The following GATA4 variants were observed in gnomAD, a reference collection of about 807,000 sequenced individuals.
GATA4 encodes the protein transcription factor GATA-4.
A neutral mutation model predicts 37.9 loss-of-function variants in GATA4; 7 were observed. That is an observed-to-expected ratio of 0.18 (90% CI 0.11 to 0.35). GATA4 has a LOEUF of 0.35. Among genes scored for constraint, GATA4 ranks in the 10% least tolerant of loss-of-function variants. GATA4 has a pLI of 1.00. For synonymous variants in GATA4, 372 were observed against 292.6 expected, an observed-to-expected ratio of 1.27 and a Z score of -2.77; for missense variants, 647 against 653.0, an observed-to-expected ratio of 0.99 and a Z score of 0.10.
chr8:11,701,791 G>T (rs1280274178), upstream of GATA4, among the ~76,000 whole-genome samples: 1 of 152,012 alleles, frequency 6.6e-6, no homozygotes, highest in Non-Finnish European at 1.5e-5. Context: ...CCTGGGTCAG[G>T]GGATCCCAGG....
chr8:11,687,841 C>T (rs1018640454), upstream of GATA4, among the ~76,000 whole-genome samples: 4 of 152,146 alleles, frequency 2.6e-5, no homozygotes, highest in Non-Finnish European at 5.9e-5. Flanking sequence ...CTACAAGGCT[C>T]CTAGAACTGA....
At chr8:11,678,057 T>TAAA (rs1554481537) in intron 1 of GATA4, among the ~76,000 whole-genome samples, 65 of 126,464 alleles carry the variant, frequency 5.1e-4, no homozygotes, top group Middle Eastern at 8.3e-3. Flanking sequence ...ATAATAATAA[T>TAAA]AAATAGGAGT....
upstream of GATA4, among the ~76,000 whole-genome samples, chr8:11,691,180 T>C (rs574241526): frequency 1.3e-5 from 2 of 152,352 alleles, no homozygotes. Context: ...AGTAAATGGA[T>C]CCCAGTTTTC....
chr8:11,728,970 C>T (rs747703009), intron 2 of GATA4, among the ~76,000 whole-genome samples: 9 of 152,078 alleles, frequency 5.9e-5, no homozygotes, highest in Admixed American at 1.3e-4. Flanking sequence ...TGGTGGCTCA[C>T]GCCTGTAATC....
At chr8:11,731,162 T>C (rs1405209818) in intron 2 of GATA4, among the ~76,000 whole-genome samples, 1 of 152,292 alleles carries the variant, frequency 6.6e-6, no homozygotes, top group Non-Finnish European at 1.5e-5. Flanking sequence ...CTGAGTCTTA[T>C]GAAGACCCGG....
intron 1 of GATA4, among the ~76,000 whole-genome samples, chr8:11,704,727 C>A (rs972430848): frequency 2.0e-5 from 3 of 152,242 alleles, no homozygotes; most frequent in African/African-American, 7.2e-5. Flanking sequence ...GGAGGCTTGT[C>A]GCCCACCAGC....
chr8:11,694,367 G>A (rs979815330), intron 1 of GATA4: 14 of 366,952 alleles, frequency 3.8e-5, no homozygotes, highest in African/African-American at 1.8e-4. Flanking sequence ...CCATTGAACC[G>A]TTGCCTGTTT....
chr8:11,728,189 A>T (rs950886243), intron 2 of GATA4, among the ~76,000 whole-genome samples: 2 of 152,050 alleles, frequency 1.3e-5, no homozygotes, highest in African/African-American at 4.8e-5. Flanking sequence ...GGGTTTCATC[A>T]TGTTGGCCAA....
At chr8:11,743,920 G>T (rs1346895070) in intron 2 of GATA4, among the ~76,000 whole-genome samples, 1 of 152,200 alleles carries the variant, frequency 6.6e-6, no homozygotes, top group Non-Finnish European at 1.5e-5. Context: ...ATGGGAGGAA[G>T]TGAAGAGTGA....
intron 2 of GATA4, among the ~76,000 whole-genome samples, chr8:11,721,113 A>C (rs909498187): frequency 6.6e-6 from 1 of 151,252 alleles, no homozygotes; most frequent in Non-Finnish European, 1.5e-5. Flanking sequence ...GTGGATGTGC[A>C]CTCTTAGGGG....
chr8:11,744,880 C>G (rs751394659), intron 2 of GATA4, among the ~76,000 whole-genome samples: 1 of 152,158 alleles, frequency 6.6e-6, no homozygotes, highest in Non-Finnish European at 1.5e-5. Context: ...CTGCCCTAGA[C>G]AATTAGGGTC....
At chr8:11,737,249 A>G (rs1801507400) in intron 2 of GATA4, among the ~76,000 whole-genome samples, 1 of 151,984 alleles carries the variant, frequency 6.6e-6, no homozygotes, top group African/African-American at 2.4e-5. Flanking sequence ...CCTCCCTAGC[A>G]TTCAGGGCAA....
intron 1 of GATA4, chr8:11,681,524 C>T: frequency 1.1e-6 from 1 of 917,604 alleles, no homozygotes; most frequent in Non-Finnish European, 1.3e-6. Context: ...GTCGGTCCCT[C>T]TCGGGAACGG....
Position 11,707,996 on chromosome 8 carries a change from CG to C in GATA4, c.-316del. On this transcript the variant is annotated 5_prime_UTR_variant, in exon 2 of 7. Coordinates refer to ENST00000532059, the MANE Select transcript of GATA4 (RefSeq NM_001308093.3). The surrounding 1 kb of genome is among the most constrained non-coding windows in gnomAD (Gnocchi z 4.7). ...ACCTCCAGGCCTGGACGCTGCCCTC[CG>C]TCTTCTGCCCCCAATAGGTGCGCCG... 2 of 399,556 alleles carry C rather than the reference CG, an allele frequency of 5.0e-6. No homozygotes were observed. Among genetic ancestry groups the C allele is most frequent in the Non-Finnish European group, 9.5e-6 (2 of 211,218 alleles). The allele number at this position is 399,556 out of a possible 1,614,324, so 24.8% of individuals were successfully genotyped here. A position where few individuals can be genotyped will look rare whatever the true frequency, so the allele number is the denominator to read the frequency against.
chr8:11,689,630 A>T (rs1799248597), upstream of GATA4, among the ~76,000 whole-genome samples: 1 of 152,134 alleles, frequency 6.6e-6, no homozygotes, highest in African/African-American at 2.4e-5. Flanking sequence ...TAGTGCATGG[A>T]ATGACTGCGG....
At chr8:11,699,837 AC>A (rs1217021232), upstream of GATA4, among the ~76,000 whole-genome samples, 1 of 152,222 alleles carries the variant, frequency 6.6e-6, no homozygotes, top group Admixed American at 6.5e-5. Context: ...TGAGATATAA[AC>A]TTTTTTAAAC....
chr8:11,738,697 T>C (rs1801578349), intron 2 of GATA4, among the ~76,000 whole-genome samples: 2 of 152,244 alleles, frequency 1.3e-5, no homozygotes, highest in African/African-American at 4.8e-5. Flanking sequence ...TTTATACTTT[T>C]GATAAGATAT....
intron 2 of GATA4, among the ~76,000 whole-genome samples, chr8:11,718,303 G>A (rs559392662): frequency 1.3e-5 from 2 of 152,302 alleles, no homozygotes; most frequent in Admixed American, 6.5e-5. Context: ...ATTGAGCCAC[G>A]ATATTCAAGT....
chr8:11,721,539 A>G (rs1800677784), intron 2 of GATA4, among the ~76,000 whole-genome samples: 1 of 152,002 alleles, frequency 6.6e-6, no homozygotes, highest in Admixed American at 6.5e-5. Flanking sequence ...CCATCGGAGA[A>G]GGAACTCTGG....
Sources: gnomAD v4.1 joint callset for allele counts (sites outside exome capture counted in the v4.1 genomes callset) on GRCh38, gnomAD v4.1.1 for gene constraint, Gnocchi (gnomAD v3.1) non-coding constraint, MANE v1.5 for transcripts, NCBI Gene and HGNC (gene_info 2026-07-23, HGNC 2026-07-21) for gene names.